The following PTPRB variants were observed in gnomAD, a reference collection of about 807,000 sequenced individuals.
The protein encoded by PTPRB is protein tyrosine phosphatase receptor type B.
A neutral mutation model predicts 238.1 loss-of-function variants in PTPRB; 97 were observed. The ratio of observed to expected loss-of-function variants is 0.41; its 90% confidence interval spans 0.35 to 0.48. PTPRB has a LOEUF of 0.48. Ranked by LOEUF, PTPRB falls within the 20% of genes least tolerant of loss-of-function variation. The pLI, the probability that PTPRB is intolerant of heterozygous loss-of-function variation, is 0.30. For synonymous variants in PTPRB, 970 were observed against 995.4 expected, an observed-to-expected ratio of 0.97 and a Z score of 0.48; for missense variants, 2,292 against 2,681.9, an observed-to-expected ratio of 0.85 and a Z score of 3.21.
intron 32 of PTPRB, among the ~76,000 whole-genome samples, chr12:70,530,997 C>G (rs1213402160): frequency 6.6e-6 from 1 of 152,226 alleles, no homozygotes; most frequent in Non-Finnish European, 1.5e-5. Flanking sequence ...AGGTTCCTGC[C>G]TGCAGGAGGC....
Position 70,576,634 on chromosome 12 carries a change from C to T in PTPRB, c.2590G>A (p.Val864Met). ...GAATTGTTCACCGTTACTCCACTCACACTGGAAGGGACTGTGATTTTGAAA... is the reference window on the plus strand; with the variant it reads ...GAATTGTTCACCGTTACTCCACTCATACTGGAAGGGACTGTGATTTTGAAA... The part of the protein sequence containing the change: ...VVEGRTVPSS[V>M]SGVTVNNSGR... Residue 864 changes from valine (V) to methionine (M), a missense_variant, in exon 11 of 34, where the codon GTG becomes ATG. Coordinates refer to ENST00000334414, the MANE Select transcript of PTPRB (RefSeq NM_001109754.4). The T allele has an allele frequency of 7.2e-7, 1 of 1,398,416 alleles. No individual in the cohort carries two copies. The highest frequency in any genetic ancestry group is 9.5e-7 in the Non-Finnish European group (1 of 1,054,284). The allele number at this position is 1,398,416 out of a possible 1,614,324, so 86.6% of individuals were successfully genotyped here.
intron 32 of PTPRB, among the ~76,000 whole-genome samples, chr12:70,528,575 G>A (rs994549125): frequency 1.3e-5 from 2 of 152,124 alleles, no homozygotes; most frequent in African/African-American, 2.4e-5. Flanking sequence ...TGGAGGAAAA[G>A]AAATCCACTC....
chr12:70,566,216 C>T (rs1879274882), intron 15 of PTPRB, among the ~76,000 whole-genome samples: 1 of 152,102 alleles, frequency 6.6e-6, no homozygotes, highest in Admixed American at 6.5e-5. Context: ...AAGCTAATAG[C>T]ACCAATATTA....
At chr12:70,521,594 A>G in intron 33 of PTPRB, 83 bp from the exon 34 acceptor site, 1 of 1,220,348 alleles carries the variant, frequency 8.2e-7, no homozygotes, top group Non-Finnish European at 1.1e-6. Flanking sequence ...TACCAATGTG[A>G]AAGACCAGCA....
At chr12:70,543,448 G>A (rs950190626) in intron 22 of PTPRB, among the ~76,000 whole-genome samples, 1 of 152,184 alleles carries the variant, frequency 6.6e-6, no homozygotes, top group South Asian at 2.1e-4. Context: ...AAAAAGGAAA[G>A]AATTGTGTTT....
In PTPRB at chr12:70,635,996, T is replaced by C; in HGVS notation, c.126A>G (p.Ser42=). The part of the protein sequence containing the change: ...LFKNEKVVVG[S]CNRTIQNQQW... ...GCTGGTTCTGGATGGTCCTGTTGCA[T>C]GAGCCCACGACCACTTTCTCATTTT... The change falls in exon 2 of 34, where the codon TCA becomes TCG. Residue 42 remains serine, a synonymous_variant. Transcript: ENST00000334414. 1 of 1,613,624 alleles carries C rather than the reference T, an allele frequency of 6.2e-7. No individual in the cohort carries two copies. The highest frequency in any genetic ancestry group is 8.5e-7 in the Non-Finnish European group (1 of 1,179,768).
intron 32 of PTPRB, among the ~76,000 whole-genome samples, chr12:70,525,113 A>G (rs1280838510): frequency 6.6e-6 from 1 of 152,120 alleles, no homozygotes; most frequent in African/African-American, 2.4e-5. Context: ...AAATTACCTC[A>G]TTTAATGATT....
chr12:70,578,860 A>G (rs1282696417), intron 10 of PTPRB, among the ~76,000 whole-genome samples: 1 of 152,126 alleles, frequency 6.6e-6, no homozygotes. Context: ...TCAGGCTCCC[A>G]GGCAGTCAGA....
At chr12:70,539,161 A>G (rs1874651634) in intron 26 of PTPRB, 147 bp from the exon 27 acceptor site, 2 of 675,622 alleles carry the variant, frequency 3.0e-6, no homozygotes, top group African/African-American at 3.6e-5. Context: ...ATTAGCCCTG[A>G]TCCCCACAAC....
Position 70,592,313 on chromosome 12 carries a change from C to G in PTPRB, c.1749G>C (p.Leu583=). 6.2e-7 allele frequency: 1 copy of G among 1,614,032 alleles called. No homozygotes were observed. The highest frequency in any genetic ancestry group is 8.5e-7 in the Non-Finnish European group (1 of 1,179,896). Residue 583 remains leucine (L), a synonymous_variant, in exon 7 of 34, where the codon CTG becomes CTC. Coordinates refer to ENST00000334414, the MANE Select transcript of PTPRB (RefSeq NM_001109754.4). ...TGCCCACTGCCATCTTCTGAGCAGA[C>G]AGTTCACCAGAGACACAGCTGACAG... ...QVTVSCVSGE[L]SAQKMAVGRT...
rs1871369344 is a variant in PTPRB, at chr12:70,518,593, C to T, written c.*2896G>A. The T allele has an allele frequency of 6.6e-6, 1 of 151,954 alleles. No individual in the cohort carries two copies. The highest frequency in any genetic ancestry group is 6.6e-5 in the Admixed American group (1 of 15,252). The allele number at this position is 151,954 out of a possible 1,614,324, so 9.4% of individuals were successfully genotyped here. On this transcript the variant is annotated 3_prime_UTR_variant, in exon 34 of 34. Coordinates refer to ENST00000334414, the MANE Select transcript of PTPRB (RefSeq NM_001109754.4). ...AGGAGGAGTGGGGCAAGTAATAAAA[C>T]AGAGGGACTCAGAGGTTTAAGGGAT...
At chr12:70,563,799 C>T (rs188206284) in intron 15 of PTPRB, among the ~76,000 whole-genome samples, 34 of 152,256 alleles carry the variant, frequency 2.2e-4, no homozygotes, top group African/African-American at 7.2e-4. Context: ...TCATCTTCTA[C>T]CAGACATCCC....
rs1017832313 is a variant in PTPRB, at chr12:70,539,654, A to T, written c.5749T>A (p.Ser1917Thr). Residue 1917 changes from serine (S) to threonine (T), a missense_variant, in exon 26 of 34, where the codon TCC becomes ACC. By Grantham distance (58) the Ser-to-Thr change is moderately conservative. Around this residue, in one of 4 missense-constraint regions of PTPRB, gnomAD observed 397 missense variants for 502.0 expected, o/e 0.79. Transcript: ENST00000334414. ...EGHFMKLQAD[S>T]NYLLSKEYEE... ...TATTCCTTGGATAGAAGGTAGTTGG[A>T]GTCAGCCTGTAGCTTCATGAAATGC... 6 of 1,581,792 alleles carry T rather than the reference A, an allele frequency of 3.8e-6. No homozygotes were observed. The highest frequency in any genetic ancestry group is 5.2e-6 in the Non-Finnish European group (6 of 1,160,320).
rs959737707 is a variant in PTPRB, at chr12:70,520,625, A to C, written c.*864T>G. ...AAACTAGTGTGTATAAATACATTAC[A>C]GTATGGGTGTGGATGTTCACACTCC... On this transcript the variant is annotated 3_prime_UTR_variant, in exon 34 of 34. Coordinates refer to ENST00000334414, the MANE Select transcript of PTPRB (RefSeq NM_001109754.4). The C allele has an allele frequency of 1.2e-5, 2 of 168,144 alleles. No individual in the cohort carries two copies. Among genetic ancestry groups the C allele is most frequent in the Non-Finnish European group, 2.5e-5 (2 of 78,506 alleles). The allele number at this position is 168,144 out of a possible 1,614,324, so 10.4% of individuals were successfully genotyped here. A position where few individuals can be genotyped will look rare whatever the true frequency, so the allele number is the denominator to read the frequency against.
chr12:70,567,863 A>G lies in PTPRB; in HGVS notation c.3635-1159T>C, dbSNP rs559920086. Among the ~76,000 whole-genome samples the G allele has an allele frequency of 1.2e-4, 18 of 152,174 alleles. 1 individual carries two copies. In the South Asian group the frequency reaches 3.7e-3, roughly 32 times the overall value. ...TTATTCTAGTATACTTTTGCTTTTT[A>G]TACTTTTAGTAGAGATGGGGTTTTG... On this transcript the variant is annotated intron_variant, in intron 14 of 33. Coordinates refer to ENST00000334414, the MANE Select transcript of PTPRB (RefSeq NM_001109754.4).
At position 70,569,956 on chromosome 12, in the gene PTPRB, T is replaced by A. The variant is rs771268454; in HGVS notation, c.3371-18A>T. The A allele has an allele frequency of 3.8e-6, 6 of 1,585,882 alleles. No individual in the cohort carries two copies. Among genetic ancestry groups the A allele is most frequent in the Non-Finnish European group, 4.3e-6 (5 of 1,156,840 alleles). On this transcript the variant is annotated intron_variant, in intron 13 of 33. Transcript: ENST00000334414. Reference sequence around the variant, plus strand: ...ACTAGGAACTAAAACAGAAAATAAATTTAAAAGTCATCACTTAGAGAATGA... The same window carrying A: ...ACTAGGAACTAAAACAGAAAATAAAATTAAAAGTCATCACTTAGAGAATGA...
At chr12:70,636,781 G>T (rs1592618818) in intron 1 of PTPRB, among the ~76,000 whole-genome samples, 1 of 152,094 alleles carries the variant, frequency 6.6e-6, no homozygotes, top group Middle Eastern at 3.2e-3. Context: ...ATGTGCCAGT[G>T]TAAGAAAATT....
chr12:70,540,937 C>G lies in PTPRB; in HGVS notation c.5515G>C (p.Glu1839Gln), dbSNP rs376983206. The G allele has an allele frequency of 4.0e-5, 64 of 1,604,582 alleles. No homozygotes were observed. Among genetic ancestry groups the G allele is most frequent in the Non-Finnish European group, 4.3e-5 (51 of 1,175,508 alleles). Residue 1839 changes from glutamate to glutamine, a missense_variant, in exon 23 of 34, where the codon GAA becomes CAA. Physicochemically the swap from Glu to Gln is conservative, Grantham distance 29. Coordinates refer to ENST00000334414, the MANE Select transcript of PTPRB (RefSeq NM_001109754.4). Reference protein sequence around the residue: ...TESEPLFGAIEGVSAGLFLIG... With the variant: ...TESEPLFGAIQGVSAGLFLIG... The stretch of plus-strand genomic sequence containing the variant: ...AAAAACAGACCAGCACTCACACCTT[C>G]AATAGCTCCAAACAAGGGCTCTACA...
chr12:70,572,024 G>T lies in PTPRB; in HGVS notation c.2906C>A (p.Ser969Tyr). 3.7e-6 allele frequency: 6 copies of T among 1,613,740 alleles called. No homozygotes were observed. The highest frequency in any genetic ancestry group is 5.1e-6 in the Non-Finnish European group (6 of 1,179,696). The change falls in exon 12 of 34, where the codon TCC becomes TAC. Residue 969 changes from serine (S) to tyrosine (Y), a missense_variant. Transcript: ENST00000334414. Reference sequence around the variant, plus strand: ...AAAGTCTCCAGTGGCATGCACCCAGGATACCCTTAAATAGTCACTCCTGGC... The same window carrying T: ...AAAGTCTCCAGTGGCATGCACCCAGTATACCCTTAAATAGTCACTCCTGGC... ...NSARSDYLRV[S>Y]WVHATGDFDH...
Sources: gnomAD v4.1 joint callset for allele counts (sites outside exome capture counted in the v4.1 genomes callset) on GRCh38, gnomAD v4.1.1 for gene constraint, gnomAD v4.1.1 regional missense constraint, MANE v1.5 for transcripts, NCBI Gene and HGNC (gene_info 2026-07-23, HGNC 2026-07-21) for gene names.